Variants in RADIL observed in about 807,000 individuals in gnomAD.
The protein encoded by RADIL is Rap associating with DIL domain, also known as ras-associating and dilute domain-containing protein.
In RADIL, 99 loss-of-function variants were observed where a neutral mutation model predicts 97.6. The ratio of observed to expected loss-of-function variants is 1.01; its 90% CI spans 0.86 to 1.20. The LOEUF is 1.20. Ranked by LOEUF, RADIL falls within the 50% of genes most tolerant of loss-of-function variation. The pLI, the probability that RADIL is intolerant of heterozygous loss-of-function variation, is 0.00. For missense variants in RADIL, 1,765 were observed against 1,498.9 expected (o/e 1.18, Z -2.93); for synonymous variants, 803 against 691.8 (o/e 1.16, Z -2.52).
chr7:4,832,452 G>A (rs1783171870), intron 4 of RADIL, among the ~76,000 whole-genome samples: 2 of 152,094 alleles, frequency 1.3e-5, no homozygotes, highest in African/African-American at 2.4e-5. Flanking sequence ...TTAAAAAATA[G>A]TAGAGGCTGG....
At position 4,833,322 on chromosome 7, in the gene RADIL, G is replaced by T. The variant is rs1228711147; in HGVS notation, c.1417-1144C>A. ...CAGAGGAGACTCGGGAAATGACAAT[G>T]ATCGTGCGAAAACCCATGACTTCTG... On this transcript the variant is annotated intron_variant, in intron 4 of 14. Coordinates refer to ENST00000399583, the MANE Select transcript of RADIL (RefSeq NM_018059.5). Among the ~76,000 whole-genome samples the T allele has an allele frequency of 5.9e-5, 9 of 152,228 alleles. 1 individual carries two copies. Among genetic ancestry groups the T allele is most frequent in the Admixed American group, 5.2e-4 (8 of 15,290 alleles).
rs566654630 is a variant in RADIL at position 4,850,985 on chromosome 7, C to T, written c.536-14380G>A. On this transcript the variant is annotated intron_variant, in intron 2 of 14. Coordinates refer to ENST00000399583, the MANE Select transcript of RADIL (RefSeq NM_018059.5). ...GGGAGGCCAAGGCAGGTGGATCATC[C>T]GAGGTCAGGAGTTCAAGACCAGCCT... Among the ~76,000 whole-genome samples, 12 of 152,050 alleles carry T rather than the reference C, an allele frequency of 7.9e-5. No individual in the cohort carries two copies. In the East Asian group the frequency reaches 1.6e-3, roughly 20 times the overall value.
At chr7:4,832,551 C>T (rs1369302404) in intron 4 of RADIL, among the ~76,000 whole-genome samples, 1 of 151,984 alleles carries the variant, frequency 6.6e-6, no homozygotes, top group Non-Finnish European at 1.5e-5. Flanking sequence ...CCAGCCTGGA[C>T]AACATGGTGA....
intron 9 of RADIL, chr7:4,811,254 G>C (rs1484468412): frequency 2.0e-5 from 3 of 152,284 alleles, no homozygotes; most frequent in South Asian, 4.1e-4. Flanking sequence ...TGGTTGTGAT[G>C]AATTAGTTCT....
rs907040354 is a variant in RADIL at position 4,842,519 on chromosome 7, C to T, written c.536-5914G>A. 1.3e-5 allele frequency among the ~76,000 whole-genome samples: 2 copies of T among 152,084 alleles called. No individual in the cohort carries two copies. Among genetic ancestry groups the T allele is most frequent in the African/African-American group, 2.4e-5 (1 of 41,410 alleles). ...GCAGAGAGGGCAGGGCTCTGCGTGCCGGGGGTGCACAGGGAAACTGGACAA... is the reference window on the plus strand; with the variant it reads ...GCAGAGAGGGCAGGGCTCTGCGTGCTGGGGGTGCACAGGGAAACTGGACAA... On this transcript the variant is annotated intron_variant, in intron 2 of 14. Transcript: ENST00000399583. This position sits in a 1 kb window ranked among gnomAD's most constrained non-coding sequence, Gnocchi z 4.5.
rs1327630615 is a variant in RADIL at position 4,872,089 on chromosome 7, C to T, written c.535+5516G>A. On this transcript the variant is annotated intron_variant, in intron 2 of 14. Coordinates refer to ENST00000399583, the MANE Select transcript of RADIL (RefSeq NM_018059.5). This position sits in a 1 kb window ranked among gnomAD's most constrained non-coding sequence, Gnocchi z 5.8. ...GGCCCAGGAGAAACAAATGTCGCCA[C>T]TGTGGATCAGGCCTGAGGGCCTGGG... Among the ~76,000 whole-genome samples, 2 of 152,132 alleles carry T rather than the reference C, an allele frequency of 1.3e-5. No homozygotes were observed. Among genetic ancestry groups the T allele is most frequent in the African/African-American group, 4.8e-5 (2 of 41,438 alleles).
In RADIL at chr7:4,854,901, C is replaced by T. The variant is rs1783791772; in HGVS notation, c.536-18296G>A. Among the ~76,000 whole-genome samples, 1 of 152,190 alleles carries T rather than the reference C, an allele frequency of 6.6e-6. No homozygotes were observed. Among genetic ancestry groups the T allele is most frequent in the African/African-American group, 2.4e-5 (1 of 41,458 alleles). On this transcript the variant is annotated intron_variant, in intron 2 of 14. Transcript: ENST00000399583. The surrounding 1 kb of genome is among the most constrained non-coding windows in gnomAD (Gnocchi z 5.1). The stretch of plus-strand genomic sequence containing the variant: ...TTCCTGCCTGTCCCCACCTCTCACC[C>T]CACCAAAGGGAATCACTTTCCTGGA...
At chr7:4,858,338 A>G (rs1346095817) in intron 2 of RADIL, 1 of 152,196 alleles carries the variant, frequency 6.6e-6, no homozygotes, top group East Asian at 1.9e-4. Flanking sequence ...CTAGATTAAG[A>G]AAGACTCAAC....
In RADIL at chr7:4,836,590, G is replaced by T. The variant is rs1583295557; in HGVS notation, c.551C>A (p.Ala184Asp). 6.2e-7 allele frequency: 1 copy of T among 1,607,386 alleles called. No individual in the cohort carries two copies. Among genetic ancestry groups the T allele is most frequent in the East Asian group, 2.2e-5 (1 of 44,864 alleles). Residue 184 changes from alanine to aspartate, a missense_variant, in exon 3 of 15, where the codon GCC (alanine) becomes GAC (aspartate). Coordinates refer to ENST00000399583, the MANE Select transcript of RADIL (RefSeq NM_018059.5). ...DTITAGINAQ[A>D]RRLQRSRAKG... Reference sequence around the variant, plus strand: ...CGCGCGACTCCGCTGCAGCCTCCGGGCCTGGGCGTTTATCCCTGGAACAGA... The same window carrying T: ...CGCGCGACTCCGCTGCAGCCTCCGGTCCTGGGCGTTTATCCCTGGAACAGA...
intron 4 of RADIL, among the ~76,000 whole-genome samples, chr7:4,832,498 G>A (rs546139294): frequency 6.6e-6 from 1 of 152,276 alleles, no homozygotes; most frequent in South Asian, 2.1e-4. Context: ...CAGCACTTTG[G>A]GAGGCTGAGG....
intron 9 of RADIL, chr7:4,808,470 G>A (rs1782417812): frequency 1.8e-6 from 1 of 551,314 alleles, no homozygotes; most frequent in Admixed American, 6.4e-5. Context: ...GGGCCAGCGA[G>A]GCCTATTTTT....
At chr7:4,847,950 C>T (rs1168493820) in intron 2 of RADIL, among the ~76,000 whole-genome samples, 1 of 152,088 alleles carries the variant, frequency 6.6e-6, no homozygotes. Flanking sequence ...AATCCCAGCA[C>T]TTAGGGAGGC....
In RADIL at chr7:4,799,378, CT is replaced by C. The variant is rs1294722121; in HGVS notation, c.3227del (p.Ter1076TrpfsTer30). On this transcript the variant is annotated frameshift_variant and stop_lost, in exon 15 of 15. Coordinates refer to ENST00000399583, the MANE Select transcript of RADIL (RefSeq NM_018059.5). LOFTEE classifies it high-confidence loss of function. ...CTGTGGGGGTGTCCTCGCAGCCCCC[CT>C]AGAGAGGGGGCGTGCGGAAATGGAT... is the stretch of plus-strand genomic sequence containing the variant. Reference protein sequence around the residue: ...KKIHFRTPPL* With the variant: ...KKIHFRTPPLX 6.2e-7 allele frequency: 1 copy of C among 1,613,440 alleles called. No homozygotes were observed. Among genetic ancestry groups the C allele is most frequent in the Admixed American group, 1.7e-5 (1 of 60,018 alleles).
At chr7:4,839,795 G>A (rs1783396995) in intron 2 of RADIL, among the ~76,000 whole-genome samples, 1 of 152,148 alleles carries the variant, frequency 6.6e-6, no homozygotes, top group African/African-American at 2.4e-5. Flanking sequence ...GCCCAGGCTA[G>A]AGTAGCAGTA....
Position 4,817,490 on chromosome 7 carries a change from C to G in RADIL, c.1616-139G>C. On this transcript the variant is annotated intron_variant, in intron 6 of 14. Transcript: ENST00000399583. This position sits in a 1 kb window ranked among gnomAD's most constrained non-coding sequence, Gnocchi z 8.3. ...TGGGGTCCAGATGCGATAAACTGGC[C>G]GAGGGACTCTGGGCCCTGGCTGGGA... 1.5e-6 allele frequency: 1 copy of G among 675,380 alleles called. No homozygotes were observed. Among genetic ancestry groups the G allele is most frequent in the Non-Finnish European group, 2.5e-6 (1 of 407,402 alleles). 41.8% of individuals were successfully genotyped at this position (675,380 alleles called of 1,614,324 possible).
chr7:4,870,061 GC>G (rs1245999082), intron 2 of RADIL, among the ~76,000 whole-genome samples: 2 of 152,188 alleles, frequency 1.3e-5, no homozygotes. Context: ...GATCGCTTGG[GC>G]CCAGGAGATC....
rs1380230721 is a variant in RADIL, at chr7:4,878,019, A to G, written c.121T>C (p.Ser41Pro). Residue 41 changes from serine to proline, a missense_variant, in exon 2 of 15, where the codon TCC becomes CCC. By Grantham distance (74) the Ser-to-Pro change is moderately conservative. Transcript: ENST00000399583. This position sits in a 1 kb window ranked among gnomAD's most constrained non-coding sequence, Gnocchi z 4.1. ...CTGGCGCCCAGGCTGGAGAAGGTGGAGTCCAGGTCCCGGTACTTGTAGCTC... is the reference window on the plus strand; with the variant it reads ...CTGGCGCCCAGGCTGGAGAAGGTGGGGTCCAGGTCCCGGTACTTGTAGCTC... ...TLSYKYRDLD[S>P]TFSSLGASDD... 6.2e-7 allele frequency: 1 copy of G among 1,610,542 alleles called. No individual in the cohort carries two copies. Among genetic ancestry groups the G allele is most frequent in the South Asian group, 1.1e-5 (1 of 90,582 alleles).
chr7:4,818,728 G>A lies in RADIL; in HGVS notation c.1616-1377C>T, dbSNP rs570616826. Among the ~76,000 whole-genome samples, 3 of 152,260 alleles carry A rather than the reference G, an allele frequency of 2.0e-5. No homozygotes were observed. The highest frequency in any genetic ancestry group is 4.1e-4 in the South Asian group (2 of 4,820). On this transcript the variant is annotated intron_variant, in intron 6 of 14. Coordinates refer to ENST00000399583, the MANE Select transcript of RADIL (RefSeq NM_018059.5). The surrounding 1 kb of genome is among the most constrained non-coding windows in gnomAD (Gnocchi z 7.1). ...TCCCGTCCACCTGTCCTGGTGCCCT[G>A]ACCCTGGCTGCCTCAGGCTGCCAGG...
At chr7:4,856,205 C>G (rs1783826771) in intron 2 of RADIL, among the ~76,000 whole-genome samples, 1 of 152,016 alleles carries the variant, frequency 6.6e-6, no homozygotes, top group African/African-American at 2.4e-5. Flanking sequence ...TCAAGCGATT[C>G]TCCTGCATCG....
Sources: allele counts gnomAD v4.1 joint callset (sites outside exome capture counted in the v4.1 genomes callset), GRCh38; gene constraint gnomAD v4.1.1; non-coding constraint Gnocchi (gnomAD v3.1); transcripts MANE v1.5; gene names NCBI Gene and HGNC (gene_info 2026-07-23, HGNC 2026-07-21).